The following PSG5 variants were observed in gnomAD, a reference collection of about 807,000 sequenced individuals.
The protein encoded by PSG5 is pregnancy specific beta-1-glycoprotein 5, also known as pregnancy-specific beta-1-glycoprotein 5.
A neutral mutation model predicts 37.7 loss-of-function variants in PSG5; 53 were observed. The ratio of observed to expected loss-of-function variants is 1.41; its 90% CI spans 1.13 to 1.77. PSG5 has a LOEUF of 1.77. Ranked by LOEUF, PSG5 falls within the 40% of genes most tolerant of loss-of-function variation. The pLI is 0.00. For synonymous variants in PSG5, 221 were observed against 155.4 expected (o/e 1.42, Z -3.14); for missense variants, 547 against 405.2 (o/e 1.35, Z -3.00).
intron 4 of PSG5, chr19:43,170,347 G>T: frequency 1.6e-6 from 1 of 630,650 alleles, no homozygotes; most frequent in Non-Finnish European, 2.4e-6. Context: ...TCAGTCCTCT[G>T]TCAAATCTCT....
chr19:43,179,502 A>G (rs1404536581), intron 2 of PSG5, among the ~76,000 whole-genome samples: 1 of 151,712 alleles, frequency 6.6e-6, no homozygotes, highest in Non-Finnish European at 1.5e-5. Context: ...CACTTGGAGT[A>G]TGCAGTGCTG....
chr19:43,181,512 G>GC (rs1052055597), intron 2 of PSG5, among the ~76,000 whole-genome samples: 22 of 151,510 alleles, frequency 1.5e-4, no homozygotes, highest in Non-Finnish European at 3.1e-4. Context: ...AGGCTGGAGT[G>GC]CAGTGGCATG....
intron 5 of PSG5, 89 bp downstream of exon 5, chr19:43,169,966 T>G: frequency 1.3e-6 from 1 of 780,154 alleles, no homozygotes; most frequent in Non-Finnish European, 2.2e-6. Context: ...GGAGATGCAG[T>G]CCCAGATACA....
At position 43,186,194 on chromosome 19, in the gene PSG5, C is replaced by G. The variant is rs558465214; in HGVS notation, c.64+148G>C. 6 of 1,387,668 alleles carry G rather than the reference C, an allele frequency of 4.3e-6. No individual in the cohort carries two copies. In the African/African-American group the frequency reaches 7.3e-5, roughly 17 times the overall value. 86.0% of individuals were successfully genotyped at this position (1,387,668 alleles called of 1,614,324 possible). On this transcript the variant is annotated intron_variant, in intron 1 of 5. Transcript: ENST00000342951. ...GGCTTCACTGTGTTGGCAGGACTGA[C>G]CTTGAACTCCTGATCTCATAATCCA...
rs201069515 is a variant in PSG5 at position 43,186,370 on chromosome 19, G to A, written c.36C>T (p.His12=). Residue 12 remains histidine (H), a synonymous_variant, in exon 1 of 6, where the codon CAC becomes CAT. Coordinates refer to ENST00000342951, the MANE Select transcript of PSG5 (RefSeq NM_002781.4). ...GPLSAPPCTQ[H]ITWKGLLLTA... is the part of the protein sequence containing the mutation. ...TGAGCAGGAGCCCCTTCCAGGTGATGTGCTGTGTGCAGGGAGGGGCTGAGA... is the reference window on the plus strand; with the variant it reads ...TGAGCAGGAGCCCCTTCCAGGTGATATGCTGTGTGCAGGGAGGGGCTGAGA... The A allele has an allele frequency of 4.2e-5, 67 of 1,612,334 alleles. No homozygotes were observed. The highest frequency in any genetic ancestry group is 5.1e-5 in the Non-Finnish European group (60 of 1,178,944).
intron 2 of PSG5, 87 bp from the exon 3 acceptor site, chr19:43,176,235 C>G: frequency 6.4e-7 from 1 of 1,563,452 alleles, no homozygotes; most frequent in Non-Finnish European, 8.7e-7. Flanking sequence ...GCATCTCCCA[C>G]CTGTCAACCC....
chr19:43,179,105 G>C lies in PSG5; in HGVS notation c.431-2957C>G, dbSNP rs746912441. On this transcript the variant is annotated intron_variant, in intron 2 of 5. Transcript: ENST00000342951. ...CACAGGTTAAGATCACAGCCTCCAT[G>C]GCCTCCCTGGGGTTTAAGTTGCTAC... 2.5e-6 allele frequency: 4 copies of C among 1,608,366 alleles called. No individual in the cohort carries two copies. In the African/African-American group the frequency reaches 5.4e-5, roughly 22 times the overall value.
intron 4 of PSG5, chr19:43,174,929 CCTT>C (rs1968973389): frequency 2.3e-6 from 3 of 1,283,534 alleles, no homozygotes; most frequent in South Asian, 3.5e-5. Context: ...TGAGGACTCT[CCTT>C]CTCATCCCTC....
intron 2 of PSG5, 146 bp downstream of exon 2, chr19:43,184,636 T>C: frequency 6.8e-7 from 1 of 1,469,084 alleles, no homozygotes; most frequent in Non-Finnish European, 9.5e-7. Flanking sequence ...CTCCTCTGTG[T>C]GTGTCCTGCA....
At chr19:43,179,246 T>C in intron 2 of PSG5, 1 of 1,413,006 alleles carries the variant, frequency 7.1e-7, no homozygotes, top group Non-Finnish European at 9.7e-7. Flanking sequence ...ATTTCCCACC[T>C]GTCAGCCCAC....
Position 43,171,556 on chromosome 19 carries a change from G to T in PSG5, c.965-1418C>A, listed in dbSNP as rs981002272. 7.4e-5 allele frequency: 29 copies of T among 393,536 alleles called. 1 individual carries two copies. The highest frequency in any genetic ancestry group is 1.5e-4 in the Admixed American group (3 of 20,678). 24.4% of individuals were successfully genotyped at this position (393,536 alleles called of 1,614,324 possible). ...ATAAATAAAATGGAGAATGGAAAAA[G>T]AATAGAGGAAATTAATGAAACCAAA... On this transcript the variant is annotated intron_variant, in intron 4 of 5. Transcript: ENST00000342951.
intron 2 of PSG5, chr19:43,179,131 T>A: frequency 6.3e-7 from 1 of 1,599,848 alleles, no homozygotes; most frequent in Non-Finnish European, 8.6e-7. Context: ...AAGTTGCTAC[T>A]GGAGATGGAG....
chr19:43,178,574 G>C (rs985545446), intron 2 of PSG5, among the ~76,000 whole-genome samples: 2 of 151,556 alleles, frequency 1.3e-5, no homozygotes, highest in Non-Finnish European at 2.9e-5. Context: ...GAGCCAAGTC[G>C]CAACACTGAA....
rs546378970 is a variant in PSG5, at chr19:43,171,445, C to T, written c.965-1307G>A. 2.0e-3 allele frequency: 356 copies of T among 180,670 alleles called. 11 individuals are homozygous for T. The highest frequency in any genetic ancestry group is 8.0e-3 in the African/African-American group (338 of 42,290). 11.2% of individuals were successfully genotyped at this position (180,670 alleles called of 1,614,324 possible). On this transcript the variant is annotated intron_variant, in intron 4 of 5. Coordinates refer to ENST00000342951, the MANE Select transcript of PSG5 (RefSeq NM_002781.4). Reference sequence around the variant, plus strand: ...AAGAAGAAAGATCTCAGGTCAACAACCTACTTTAATACTTCAGGATATGAA... The same window carrying T: ...AAGAAGAAAGATCTCAGGTCAACAATCTACTTTAATACTTCAGGATATGAA...
rs767653962 is a variant in PSG5 at position 43,184,970 on chromosome 19, G to T, written c.242C>A (p.Ser81Ter). 1 of 1,612,278 alleles carries T rather than the reference G, an allele frequency of 6.2e-7. No homozygotes were observed. The highest frequency in any genetic ancestry group is 2.2e-5 in the East Asian group (1 of 44,858). Residue 81 changes from serine to a stop codon, truncating the protein, a stop_gained, in exon 2 of 6, where the codon TCA becomes TAA. Transcript: ENST00000342951. LOFTEE classifies it high-confidence loss of function. ...ATTTATTTGACCGTCTACTACATATGATGTAATGTAATGGTAGAGGTCCAT... is the reference window on the plus strand; with the variant it reads ...ATTTATTTGACCGTCTACTACATATTATGTAATGTAATGGTAGAGGTCCAT... ...QLMDLYHYIT[S>*]YVVDGQINIY...
chr19:43,180,283 C>T (rs1209604524), intron 2 of PSG5: 2 of 151,504 alleles, frequency 1.3e-5, no homozygotes, highest in East Asian at 1.9e-4. Flanking sequence ...CCTGTGCAGC[C>T]TCGTGCCTAT....
rs187727282 is a variant in PSG5 at position 43,170,308 on chromosome 19, T to C, written c.965-170A>G. 5.6e-4 allele frequency: 418 copies of C among 740,868 alleles called. 5 individuals carry two copies. The highest frequency in any genetic ancestry group is 5.4e-3 in the African/African-American group (294 of 54,058). The allele number at this position is 740,868 out of a possible 1,614,324, so 45.9% of individuals were successfully genotyped here. ...GATTATATTCTTGCAGTTTTTTTTTTCCCTCTCACCATGTTTCTAGGATGG... is the reference window on the plus strand; with the variant it reads ...GATTATATTCTTGCAGTTTTTTTTTCCCCTCTCACCATGTTTCTAGGATGG... On this transcript the variant is annotated intron_variant, in intron 4 of 5. Transcript: ENST00000342951.
At chr19:43,168,626 C>T (rs1968838422) in intron 5 of PSG5, among the ~76,000 whole-genome samples, 1 of 151,736 alleles carries the variant, frequency 6.6e-6, no homozygotes, top group East Asian at 1.9e-4. Flanking sequence ...CCCACCTCGG[C>T]CTCCCAAACT....
chr19:43,178,906 T>C (rs1269155625), intron 2 of PSG5: 2 of 1,612,822 alleles, frequency 1.2e-6, no homozygotes, highest in Non-Finnish European at 1.7e-6. Context: ...ACTGGGTCAC[T>C]GTGGCTGGCA....
Sources: gnomAD v4.1 joint callset for allele counts (sites outside exome capture counted in the v4.1 genomes callset) on GRCh38, gnomAD v4.1.1 for gene constraint, MANE v1.5 for transcripts, NCBI Gene and HGNC (gene_info 2026-07-23, HGNC 2026-07-21) for gene names.